EYS: variants seen among roughly 807,000 people sequenced by gnomAD.
EYS encodes the protein EGF-like photoreceptor maintenance factor, also known as protein eyes shut homolog.
Under a neutral mutation model 282.1 loss-of-function variants are expected in EYS, and 250 were observed. The observed-to-expected ratio is 0.89, with a 90% CI of 0.80 to 0.98. EYS has a LOEUF of 0.98. Ranked by LOEUF, EYS falls within the 50% of genes least tolerant of loss-of-function variation. EYS has a pLI of 0.00. For synonymous variants in EYS, 1,355 were observed against 1,282.9 expected (o/e 1.06, Z -1.20); for missense variants, 4,016 against 3,709.0 (o/e 1.08, Z -2.15).
intron 22 of EYS, among the ~76,000 whole-genome samples, chr6:64,679,135 A>AGAG: frequency 1.3e-5 from 2 of 152,160 alleles, no homozygotes; most frequent in Non-Finnish European, 2.9e-5. Context: ...TCTCTACCCC[A>AGAG]ACTTCACATC....
At chr6:64,842,935 G>A (rs761527298) in intron 19 of EYS, among the ~76,000 whole-genome samples, 10 of 152,104 alleles carry the variant, frequency 6.6e-5, no homozygotes, top group Admixed American at 1.3e-4. Flanking sequence ...CAAAAAATTT[G>A]CATAAGTAAC....
intron 26 of EYS, among the ~76,000 whole-genome samples, chr6:64,563,253 A>G (rs1296500450): frequency 6.6e-6 from 1 of 152,042 alleles, no homozygotes; most frequent in African/African-American, 2.4e-5. Flanking sequence ...TTAAAGATGC[A>G]TAGTCTAAAG....
intron 31 of EYS, among the ~76,000 whole-genome samples, chr6:64,126,317 A>G (rs996580442): frequency 2.6e-5 from 4 of 151,702 alleles, no homozygotes; most frequent in Non-Finnish European, 5.9e-5. Context: ...ATGTCCATCA[A>G]TGATAGACCG....
chr6:64,295,657 A>C (rs980674398), intron 30 of EYS, among the ~76,000 whole-genome samples: 1 of 148,476 alleles, frequency 6.7e-6, no homozygotes, highest in African/African-American at 2.5e-5. Context: ...TGAACCGAGA[A>C]GGCGGAGCTT....
At chr6:64,390,999 C>G (rs183538931) in intron 28 of EYS, among the ~76,000 whole-genome samples, 1 of 151,764 alleles carries the variant, frequency 6.6e-6, no homozygotes, top group South Asian at 2.1e-4. Context: ...GGAGCCGATG[C>G]GAATCAACTG....
intron 19 of EYS, among the ~76,000 whole-genome samples, chr6:64,862,654 G>T (rs1267424092): frequency 6.6e-6 from 1 of 151,968 alleles, no homozygotes; most frequent in East Asian, 1.9e-4. Context: ...CCTCCTCTGT[G>T]CAATGGCTGA....
intron 6 of EYS, 105 bp downstream of exon 6, chr6:65,405,069 T>C (rs913523318): frequency 4.2e-5 from 34 of 802,006 alleles, no homozygotes; most frequent in Non-Finnish European, 6.3e-5. Context: ...AGTTTAACAA[T>C]TAAACTACCT....
intron 15 of EYS, among the ~76,000 whole-genome samples, chr6:64,935,546 A>G (rs1283733291): frequency 6.6e-6 from 1 of 151,660 alleles, no homozygotes; most frequent in African/African-American, 2.4e-5. Flanking sequence ...GGTACTTTCC[A>G]AAACTGAAAA....
chr6:64,877,913 A>T (rs143818854), intron 19 of EYS, among the ~76,000 whole-genome samples: 6 of 152,282 alleles, frequency 3.9e-5, no homozygotes, highest in Admixed American at 6.5e-5. Flanking sequence ...ATGCTGGAGA[A>T]AATAAATGCA....
At chr6:64,634,349 C>T (rs1270199637) in intron 22 of EYS, among the ~76,000 whole-genome samples, 2 of 152,042 alleles carry the variant, frequency 1.3e-5, no homozygotes, top group African/African-American at 2.4e-5. Context: ...TAATTATGTA[C>T]AAAATGAGGA....
chr6:65,384,156 A>G (rs1765717004), intron 8 of EYS, among the ~76,000 whole-genome samples: 1 of 151,864 alleles, frequency 6.6e-6, no homozygotes, highest in South Asian at 2.1e-4. Context: ...AATTAGCTTT[A>G]TACTTACTTT....
chr6:63,950,969 G>T (rs969878152), intron 35 of EYS, among the ~76,000 whole-genome samples: 11 of 152,128 alleles, frequency 7.2e-5, no homozygotes, highest in Non-Finnish European at 1.3e-4. Flanking sequence ...GGGGATGCCT[G>T]CTTGATTATT....
intron 31 of EYS, among the ~76,000 whole-genome samples, chr6:64,119,358 T>C (rs1287934775): frequency 1.3e-5 from 2 of 152,208 alleles, no homozygotes; most frequent in African/African-American, 2.4e-5. Context: ...TACCACTTGA[T>C]TGAATTTCAT....
At chr6:65,334,180 T>G (rs1394828921) in intron 11 of EYS, among the ~76,000 whole-genome samples, 5 of 151,886 alleles carry the variant, frequency 3.3e-5, no homozygotes, top group Non-Finnish European at 7.4e-5. Context: ...ATATCTCTTT[T>G]GTACCTGTAT....
intron 28 of EYS, among the ~76,000 whole-genome samples, chr6:64,432,294 T>C (rs1774597233): frequency 6.6e-6 from 1 of 151,996 alleles, no homozygotes; most frequent in African/African-American, 2.4e-5. Flanking sequence ...AGACAAGAAA[T>C]AAAGTAATTT....
intron 2 of EYS, among the ~76,000 whole-genome samples, chr6:65,522,432 C>G (rs1418477568): frequency 6.6e-6 from 1 of 152,112 alleles, no homozygotes; most frequent in Admixed American, 6.6e-5. Flanking sequence ...GAGACACTGC[C>G]TGCACATTAA....
At chr6:64,082,460 A>C (rs1196941462) in intron 31 of EYS, among the ~76,000 whole-genome samples, 1 of 152,174 alleles carries the variant, frequency 6.6e-6, no homozygotes, top group Admixed American at 6.5e-5. Flanking sequence ...TCATAATCAC[A>C]TCAGGGTCAA....
At chr6:64,574,582 G>C (rs1307558242) in intron 26 of EYS, among the ~76,000 whole-genome samples, 1 of 152,110 alleles carries the variant, frequency 6.6e-6, no homozygotes, top group Non-Finnish European at 1.5e-5. Context: ...CAATTAATGG[G>C]ATTCAGCTGG....
chr6:64,980,055 T>A (rs916479549), intron 14 of EYS, among the ~76,000 whole-genome samples: 2 of 151,532 alleles, frequency 1.3e-5, no homozygotes, highest in Non-Finnish European at 3.0e-5. Flanking sequence ...GACATCCTTT[T>A]AGTCCTCTAT....
Sources: allele counts gnomAD v4.1 joint callset (sites outside exome capture counted in the v4.1 genomes callset), GRCh38; gene constraint gnomAD v4.1.1; transcripts MANE v1.5; gene names NCBI Gene and HGNC (gene_info 2026-07-23, HGNC 2026-07-21).